The following STK3 variants were observed in gnomAD, a reference collection of about 807,000 sequenced individuals.
The protein encoded by STK3 is serine/threonine-protein kinase 3.
STK3 carries 41 observed loss-of-function variants against 58.0 expected under a neutral mutation model. That is an observed-to-expected ratio of 0.71 (90% CI 0.55 to 0.92). The LOEUF is 0.92. Among genes scored for constraint, STK3 ranks in the 40% least tolerant of loss-of-function variants. The pLI is 0.00. For missense variants in STK3, 479 were observed against 602.7 expected, an observed-to-expected ratio of 0.79 and a Z score of 2.15; for synonymous variants, 170 against 191.0, an observed-to-expected ratio of 0.89 and a Z score of 0.91.
chr8:98,360,722 TGGAAGACATAAG>T, the STK3 span, among the ~76,000 whole-genome samples: 1 of 152,344 alleles, frequency 6.6e-6, no homozygotes, highest in South Asian at 2.1e-4. Flanking sequence ...GCAGCCATTT[TGGAAGACATAAG>T]GGCATCATCT....
intron 7 of STK3, among the ~76,000 whole-genome samples, chr8:98,581,710 T>C (rs1813899234): frequency 6.6e-6 from 1 of 151,756 alleles, no homozygotes; most frequent in Non-Finnish European, 1.5e-5. Flanking sequence ...TCTGGGTTGT[T>C]GGCTTCTCCA....
intron 6 of STK3, among the ~76,000 whole-genome samples, chr8:98,677,999 T>G (rs1162237892): frequency 6.6e-6 from 1 of 152,308 alleles, no homozygotes; most frequent in African/African-American, 2.4e-5. Context: ...CATTTGTATT[T>G]TTTGGCAGGT....
chr8:98,864,535 A>G (rs1837062051), intron 3 of STK3, among the ~76,000 whole-genome samples: 1 of 152,224 alleles, frequency 6.6e-6, no homozygotes, highest in African/African-American at 2.4e-5. Flanking sequence ...ATTCCTGAGT[A>G]CTTCCATTGT....
intron 1 of STK3, among the ~76,000 whole-genome samples, chr8:98,778,064 A>G (rs1048998963): frequency 2.0e-5 from 3 of 152,216 alleles, no homozygotes; most frequent in Non-Finnish European, 4.4e-5. Flanking sequence ...CTGCACAGCA[A>G]AAGAAACTAC....
At chr8:98,389,283 T>C (rs920099586), upstream of STK3, among the ~76,000 whole-genome samples, 1 of 152,210 alleles carries the variant, frequency 6.6e-6, no homozygotes, top group Non-Finnish European at 1.5e-5. Flanking sequence ...ATATTGTCTG[T>C]AATGCTCACT....
At chr8:98,633,676 T>C (rs944850763) in intron 6 of STK3, 1 of 699,442 alleles carries the variant, frequency 1.4e-6, no homozygotes, top group African/African-American at 1.8e-5. Context: ...AAACTCTTTA[T>C]GTACAAGGTT....
intron 3 of STK3, among the ~76,000 whole-genome samples, chr8:98,860,281 G>T (rs959680741): frequency 1.3e-5 from 2 of 152,176 alleles, no homozygotes; most frequent in Non-Finnish European, 2.9e-5. Flanking sequence ...GTGGCTGGAG[G>T]TTGGTGGTTC....
At chr8:98,788,299 G>C (rs1010664633) in intron 1 of STK3, among the ~76,000 whole-genome samples, 2 of 151,886 alleles carry the variant, frequency 1.3e-5, no homozygotes, top group African/African-American at 4.8e-5. Flanking sequence ...TTAGCCGGGC[G>C]TGGTGGTGCG....
At chr8:98,411,764 C>T (rs1222985201) in intron 3 of STK3, among the ~76,000 whole-genome samples, 1 of 152,240 alleles carries the variant, frequency 6.6e-6, no homozygotes, top group African/African-American at 2.4e-5. Context: ...ACCAACATCA[C>T]TCCTCGAGGG....
chr8:98,858,211 G>T (rs975512372), intron 3 of STK3, among the ~76,000 whole-genome samples: 6 of 149,036 alleles, frequency 4.0e-5, no homozygotes, highest in African/African-American at 1.5e-4. Flanking sequence ...ACGAAACCCA[G>T]TGTCTACTAA....
At chr8:98,487,046 T>A (rs1822325878) in intron 10 of STK3, among the ~76,000 whole-genome samples, 1 of 152,226 alleles carries the variant, frequency 6.6e-6, no homozygotes, top group South Asian at 2.1e-4. Flanking sequence ...AATCTTTTCA[T>A]GAATCAAGTA....
intron 4 of STK3, among the ~76,000 whole-genome samples, chr8:98,714,345 T>C (rs1563922266): frequency 6.6e-6 from 1 of 151,962 alleles, no homozygotes; most frequent in Non-Finnish European, 1.5e-5. Context: ...AAATTGCCCC[T>C]GTCTGCAGAT....
intron 1 of STK3, among the ~76,000 whole-genome samples, chr8:98,824,913 C>T (rs1835152752): frequency 6.6e-6 from 1 of 152,242 alleles, no homozygotes. Context: ...TTATGAACTT[C>T]TGTCAATGGA....
rs186574451 is a variant in STK3, at chr8:98,717,432, C to T, written c.352-10121G>A. ...CACGTGGAAAGATCCTCAACATCAC[C>T]AATCATAAGACAAATATAAATCAAA... On this transcript the variant is annotated intron_variant, in intron 4 of 10. Coordinates refer to ENST00000419617, the MANE Select transcript of STK3 (RefSeq NM_006281.4). Among the ~76,000 whole-genome samples the T allele has an allele frequency of 9.2e-3, 1,395 of 152,112 alleles. 17 individuals are homozygous for T. Among genetic ancestry groups the T allele is most frequent in the African/African-American group, 0.032 (1,325 of 41,508 alleles).
chr8:98,429,444 T>C, intron 3 of STK3: 1 of 1,489,258 alleles, frequency 6.7e-7, no homozygotes, highest in Non-Finnish European at 9.3e-7. Flanking sequence ...CCACCCCACA[T>C]TGCTGAGCTG....
intron 10 of STK3, among the ~76,000 whole-genome samples, chr8:98,511,509 C>A (rs2131406416): frequency 6.6e-6 from 1 of 152,116 alleles, no homozygotes; most frequent in Admixed American, 6.6e-5. Flanking sequence ...ATACAAGAAG[C>A]TAAATATATT....
At chr8:98,574,386 C>A (rs1165874755) in intron 8 of STK3, among the ~76,000 whole-genome samples, 1 of 152,142 alleles carries the variant, frequency 6.6e-6, no homozygotes, top group Admixed American at 6.5e-5. Context: ...CAAATCCAGG[C>A]AATAGTCAGG....
intron 3 of STK3, among the ~76,000 whole-genome samples, chr8:98,755,494 G>T (rs1214620137): frequency 6.6e-6 from 1 of 152,192 alleles, no homozygotes; most frequent in Non-Finnish European, 1.5e-5. Context: ...CATATTCCAT[G>T]GTAGCCTCTG....
chr8:98,626,596 T>G (rs560898126), intron 6 of STK3, among the ~76,000 whole-genome samples: 1 of 152,180 alleles, frequency 6.6e-6, no homozygotes, highest in East Asian at 1.9e-4. Flanking sequence ...GGGACTGAGA[T>G]GAGGCCATCG....
Sources: gnomAD v4.1 joint callset for allele counts (sites outside exome capture counted in the v4.1 genomes callset) on GRCh38, gnomAD v4.1.1 for gene constraint, MANE v1.5 for transcripts, NCBI Gene and HGNC (gene_info 2026-07-23, HGNC 2026-07-21) for gene names.